Variants in CTNNA1 observed in about 807,000 individuals in gnomAD.
CTNNA1 encodes catenin alpha 1.
CTNNA1 carries 37 observed loss-of-function variants against 98.4 expected under a neutral mutation model. The ratio of observed to expected loss-of-function variants is 0.38; its 90% CI spans 0.29 to 0.49. The LOEUF (loss-of-function observed/expected upper bound fraction) is 0.49, where lower values mean the gene tolerates loss of function less well. CTNNA1 is among the 20% of genes least tolerant of loss of function. The pLI, the probability that CTNNA1 is intolerant of heterozygous loss-of-function variation, is 0.95. For missense variants in CTNNA1, 761 were observed against 1,147.2 expected, an observed-to-expected ratio of 0.66 and a Z score of 4.86; for synonymous variants, 404 against 413.2, an observed-to-expected ratio of 0.98 and a Z score of 0.27.
At chr5:138,897,354 T>C (rs1297700651) in intron 9 of CTNNA1, among the ~76,000 whole-genome samples, 1 of 122,730 alleles carries the variant, frequency 8.1e-6, no homozygotes, top group Non-Finnish European at 1.6e-5. Context: ...TGGAACTTCA[T>C]AGGCTATGGC....
At chr5:138,868,230 A>G (rs1366036286) in intron 7 of CTNNA1, among the ~76,000 whole-genome samples, 2 of 152,242 alleles carry the variant, frequency 1.3e-5, no homozygotes, top group African/African-American at 4.8e-5. Flanking sequence ...AGCTATTAAT[A>G]AAAATTTTTG....
chr5:138,781,976 C>T lies in CTNNA1; in HGVS notation c.52C>T (p.Leu18=). 1 of 1,603,388 alleles carries T rather than the reference C, an allele frequency of 6.2e-7. No individual in the cohort carries two copies. The highest frequency in any genetic ancestry group is 8.5e-7 in the Non-Finnish European group (1 of 1,177,790). ...AAACTTCAAGTGGGATCCTAAAAGT[C>T]TAGAGATCAGGACTCTGGCAGTTGA... ...NINFKWDPKS[L]EIRTLAVERL... is the part of the protein sequence containing the mutation. The change falls in exon 2 of 18, where the codon CTA becomes TTA. Residue 18 remains leucine, a synonymous_variant. Transcript: ENST00000302763.
intron 1 of CTNNA1, among the ~76,000 whole-genome samples, chr5:138,769,099 C>T (rs1450668167): frequency 6.6e-6 from 1 of 151,930 alleles, no homozygotes; most frequent in African/African-American, 2.4e-5. Flanking sequence ...TCCTATGTTG[C>T]CCAGGCTGGT....
intron 13 of CTNNA1, among the ~76,000 whole-genome samples, chr5:138,927,236 C>T (rs931799672): frequency 1.3e-5 from 2 of 152,204 alleles, no homozygotes; most frequent in African/African-American, 4.8e-5. Flanking sequence ...TCTGTGCCAG[C>T]GTCTCCACAG....
chr5:138,825,485 T>G (rs998880014), intron 6 of CTNNA1, among the ~76,000 whole-genome samples: 1 of 107,934 alleles, frequency 9.3e-6, no homozygotes, highest in African/African-American at 3.7e-5. Context: ...AGTATAAGTT[T>G]TTTTTTTTTT....
chr5:138,784,942 A>G (rs956312112), intron 3 of CTNNA1, among the ~76,000 whole-genome samples: 3 of 152,148 alleles, frequency 2.0e-5, no homozygotes, highest in Admixed American at 1.3e-4. Context: ...CCTCATCGTA[A>G]CTTGATATCA....
chr5:138,832,205 T>A (rs964061255), intron 7 of CTNNA1, among the ~76,000 whole-genome samples: 1 of 152,214 alleles, frequency 6.6e-6, no homozygotes, highest in Admixed American at 6.5e-5. Context: ...GCATAGTGGT[T>A]TGATGAAGAG....
chr5:138,830,267 C>T (rs564520737), intron 7 of CTNNA1, among the ~76,000 whole-genome samples: 4 of 152,158 alleles, frequency 2.6e-5, no homozygotes, highest in South Asian at 2.1e-4. Context: ...GAGGCTGAGG[C>T]AGGAGAATGG....
In CTNNA1 at chr5:138,932,179, C is replaced by G. The variant is rs537203049; in HGVS notation, c.2299-399C>G. ...CTTAGCTAAAAACATCTGGACTTTT[C>G]TCCATAGCCAGGCTCCTGCTTGCTG... On this transcript the variant is annotated intron_variant, in intron 16 of 17. Coordinates refer to ENST00000302763, the MANE Select transcript of CTNNA1 (RefSeq NM_001903.5). The G allele has an allele frequency of 1.1e-5, 11 of 1,009,334 alleles. No homozygotes were observed. In the Admixed American group the frequency reaches 2.9e-4, roughly 26 times the overall value. 62.5% of individuals were successfully genotyped at this position (1,009,334 alleles called of 1,614,324 possible).
intron 9 of CTNNA1, among the ~76,000 whole-genome samples, chr5:138,894,572 C>T (rs1581541750): frequency 6.6e-6 from 1 of 152,064 alleles, no homozygotes; most frequent in African/African-American, 2.4e-5. Context: ...TGCGCCTGGT[C>T]TACTTGGTTT....
chr5:138,753,806 C>T (rs1751283671), intron 1 of CTNNA1: 1 of 239,266 alleles, frequency 4.2e-6, no homozygotes, highest in Admixed American at 5.6e-5. Flanking sequence ...AACTATAGGC[C>T]CAGCGCCGCC....
intron 7 of CTNNA1, among the ~76,000 whole-genome samples, chr5:138,858,118 G>A (rs1258999231): frequency 1.6e-5 from 2 of 122,336 alleles, no homozygotes; most frequent in East Asian, 5.7e-4. Flanking sequence ...ATTAATTAGA[G>A]TTAAAAAAAA....
chr5:138,925,644 G>A (rs935936711), intron 13 of CTNNA1, among the ~76,000 whole-genome samples: 1 of 152,210 alleles, frequency 6.6e-6, no homozygotes, highest in Admixed American at 6.5e-5. Context: ...TTTAATTTAG[G>A]ATAAACAGTC....
At chr5:138,781,825 C>A in intron 1 of CTNNA1, 98 bp from the exon 2 acceptor site, 1 of 1,135,294 alleles carries the variant, frequency 8.8e-7, no homozygotes, top group South Asian at 1.7e-5. Context: ...GTGAATATAG[C>A]TTTCCTGATG....
chr5:138,824,512 T>A lies in CTNNA1; in HGVS notation c.589-18T>A, dbSNP rs758072156. The A allele has an allele frequency of 6.2e-7, 1 of 1,606,760 alleles. No individual in the cohort carries two copies. The highest frequency in any genetic ancestry group is 8.5e-7 in the Non-Finnish European group (1 of 1,174,042). ...ATATAAAGAGTGCTCCAATTTCTTG[T>A]TTTATTTACTCTTGTAGGAATTGAA... On this transcript the variant is annotated intron_variant, in intron 5 of 17. Transcript: ENST00000302763.
At chr5:138,885,105 G>A (rs187334671) in intron 7 of CTNNA1, among the ~76,000 whole-genome samples, 12 of 152,252 alleles carry the variant, frequency 7.9e-5, no homozygotes, top group African/African-American at 2.9e-4. Context: ...AGTCCATAGA[G>A]AGATAGGTGG....
chr5:138,783,994 C>T (rs1455978718), intron 3 of CTNNA1, among the ~76,000 whole-genome samples: 1 of 152,144 alleles, frequency 6.6e-6, no homozygotes, highest in African/African-American at 2.4e-5. Context: ...ATAATTAATG[C>T]TAGAAAAATT....
At chr5:138,777,012 C>T (rs1754356966) in intron 1 of CTNNA1, among the ~76,000 whole-genome samples, 1 of 152,184 alleles carries the variant, frequency 6.6e-6, no homozygotes. Flanking sequence ...CCCCCACCTC[C>T]CTCCCGGATG....
chr5:138,888,165 T>C (rs1754505067), intron 9 of CTNNA1, among the ~76,000 whole-genome samples: 1 of 152,248 alleles, frequency 6.6e-6, no homozygotes, highest in Non-Finnish European at 1.5e-5. Flanking sequence ...GCAGAGAAAC[T>C]GAGCCCTGAC....
Sources: allele counts gnomAD v4.1 joint callset (sites outside exome capture counted in the v4.1 genomes callset), GRCh38; gene constraint gnomAD v4.1.1; transcripts MANE v1.5; gene names NCBI Gene and HGNC (gene_info 2026-07-23, HGNC 2026-07-21).